EXOC6B: variants seen among roughly 807,000 people sequenced by gnomAD.
The protein encoded by EXOC6B is SEC15 homolog B.
A neutral mutation model predicts 113.5 loss-of-function variants in EXOC6B; 54 were observed. That is an observed-to-expected ratio of 0.48 (90% confidence interval 0.38 to 0.60). The LOEUF (loss-of-function observed/expected upper bound fraction) is 0.60, where lower values mean the gene tolerates loss of function less well. Among genes scored for constraint, EXOC6B ranks in the 20% least tolerant of loss-of-function variants. The pLI is 0.00. For synonymous variants in EXOC6B, 357 were observed against 339.0 expected, an observed-to-expected ratio of 1.05 and a Z score of -0.58; for missense variants, 797 against 977.5, an observed-to-expected ratio of 0.82 and a Z score of 2.46.
At chr2:72,435,705 C>T (rs748706195) in intron 18 of EXOC6B, among the ~76,000 whole-genome samples, 2 of 150,622 alleles carry the variant, frequency 1.3e-5, no homozygotes, top group Admixed American at 6.6e-5. Context: ...ACTAGGATTG[C>T]ATCCCCTGCT....
chr2:72,509,534 C>T (rs1700783242), intron 11 of EXOC6B, among the ~76,000 whole-genome samples: 1 of 151,930 alleles, frequency 6.6e-6, no homozygotes. Context: ...ATGAAGAACA[C>T]ATAAATTATA....
At chr2:72,286,934 T>C (rs1397591090) in intron 20 of EXOC6B, among the ~76,000 whole-genome samples, 1 of 152,098 alleles carries the variant, frequency 6.6e-6, no homozygotes, top group East Asian at 1.9e-4. Context: ...TTGAGTTGAA[T>C]GCTAAAAAGA....
chr2:72,350,121 G>A (rs781429026), intron 19 of EXOC6B, among the ~76,000 whole-genome samples: 2 of 152,070 alleles, frequency 1.3e-5, no homozygotes, highest in Non-Finnish European at 2.9e-5. Flanking sequence ...GGCCTTGGAT[G>A]CAATAAAATA....
intron 6 of EXOC6B, among the ~76,000 whole-genome samples, chr2:72,672,201 C>CAA (rs61678584): frequency 9.4e-6 from 1 of 105,848 alleles, no homozygotes; most frequent in Non-Finnish European, 2.0e-5. Flanking sequence ...GGTATATATC[C>CAA]AAAAAAAAAA....
At chr2:72,664,130 A>G (rs1329284085) in intron 6 of EXOC6B, among the ~76,000 whole-genome samples, 1 of 152,184 alleles carries the variant, frequency 6.6e-6, no homozygotes. Flanking sequence ...CAACATAGCA[A>G]GACCCCATAT....
At chr2:72,583,119 C>A (rs754599129) in intron 6 of EXOC6B, among the ~76,000 whole-genome samples, 4 of 152,016 alleles carry the variant, frequency 2.6e-5, no homozygotes, top group Non-Finnish European at 4.4e-5. Flanking sequence ...ACCTTAAAGA[C>A]CAGTCTTTAA....
intron 20 of EXOC6B, among the ~76,000 whole-genome samples, chr2:72,188,467 G>A (rs1440430823): frequency 6.6e-6 from 1 of 152,146 alleles, no homozygotes; most frequent in Non-Finnish European, 1.5e-5. Flanking sequence ...CTGAAGCTAG[G>A]TCATATGGCC....
chr2:72,673,473 C>A (rs182048841), intron 6 of EXOC6B, among the ~76,000 whole-genome samples: 2 of 152,210 alleles, frequency 1.3e-5, no homozygotes, highest in East Asian at 3.9e-4. Flanking sequence ...ATATTCTGGG[C>A]TTTTGGTGAA....
chr2:72,575,732 G>GA, intron 6 of EXOC6B, 64 bp from the exon 7 acceptor site: 2 of 1,349,242 alleles, frequency 1.5e-6, no homozygotes, highest in Non-Finnish European at 9.7e-7. Flanking sequence ...GAGAAAGAAA[G>GA]AAAAAAAGAA....
rs982730856 is a variant in EXOC6B at position 72,237,045 on chromosome 2, G to GA, written c.2197-52859dup. ...AGACCTCAAGTTAGAAAGACTTGGG[G>GA]AAAAAAAAAGGCATAGTGGTCCATG... is the stretch of plus-strand genomic sequence containing the variant. On this transcript the variant is annotated intron_variant, in intron 20 of 21. Coordinates refer to ENST00000272427, the MANE Select transcript of EXOC6B (RefSeq NM_015189.3). 8.1e-4 allele frequency among the ~76,000 whole-genome samples: 122 copies of GA among 150,944 alleles called. 1 individual carries two copies. Among genetic ancestry groups the GA allele is most frequent in the Middle Eastern group, 3.4e-3 (1 of 292 alleles).
At chr2:72,745,873 C>T (rs1265154639) in intron 1 of EXOC6B, among the ~76,000 whole-genome samples, 2 of 152,114 alleles carry the variant, frequency 1.3e-5, no homozygotes, top group African/African-American at 2.4e-5. Flanking sequence ...AAATTTACTA[C>T]TGAAGCTAAT....
chr2:72,731,235 G>T lies in EXOC6B; in HGVS notation c.338C>A (p.Ala113Glu). The change falls in exon 4 of 22, where the codon GCA becomes GAA. Residue 113 changes from alanine to glutamate, a missense_variant. Physicochemically the swap from Ala to Glu is moderately radical, Grantham distance 107. Transcript: ENST00000272427. ...TCGACACTGCTTCAGCTCTTCCATTGCTATTACCAGCTTGGCAAGAGGGAA... is the reference window on the plus strand; with the variant it reads ...TCGACACTGCTTCAGCTCTTCCATTTCTATTACCAGCTTGGCAAGAGGGAA... ...LQHEGKELVI[A>E]MEELKQCRLQ... The T allele has an allele frequency of 6.2e-7, 1 of 1,612,312 alleles. No homozygotes were observed. Among genetic ancestry groups the T allele is most frequent in the Non-Finnish European group, 8.5e-7 (1 of 1,178,850 alleles).
intron 17 of EXOC6B, among the ~76,000 whole-genome samples, chr2:72,475,628 G>C (rs1307145702): frequency 1.3e-5 from 2 of 152,062 alleles, no homozygotes; most frequent in Non-Finnish European, 2.9e-5. Flanking sequence ...AATGAGTATA[G>C]GCACCAGATG....
intron 20 of EXOC6B, among the ~76,000 whole-genome samples, chr2:72,282,463 T>C (rs892155408): frequency 6.7e-6 from 1 of 150,188 alleles, no homozygotes; most frequent in Non-Finnish European, 1.5e-5. Flanking sequence ...AGCAATAAAA[T>C]ATAATTACTG....
At chr2:72,425,108 A>G (rs976444281) in intron 18 of EXOC6B, among the ~76,000 whole-genome samples, 9 of 152,166 alleles carry the variant, frequency 5.9e-5, no homozygotes, top group African/African-American at 2.2e-4. Context: ...AACGCAAGTT[A>G]TTCTGACTCC....
At chr2:72,272,644 TA>T (rs1348220495) in intron 20 of EXOC6B, among the ~76,000 whole-genome samples, 25 of 152,170 alleles carry the variant, frequency 1.6e-4, no homozygotes, top group African/African-American at 4.8e-4. Flanking sequence ...CCCTGGAGAG[TA>T]GAACAACTAA....
At chr2:72,368,782 G>T (rs934698406) in intron 19 of EXOC6B, among the ~76,000 whole-genome samples, 2 of 152,142 alleles carry the variant, frequency 1.3e-5, no homozygotes, top group Admixed American at 1.3e-4. Context: ...TATCTCAATA[G>T]ATGCAGAAAA....
intron 1 of EXOC6B, among the ~76,000 whole-genome samples, chr2:72,816,637 C>A (rs1445004062): frequency 6.6e-6 from 1 of 152,152 alleles, no homozygotes; most frequent in African/African-American, 2.4e-5. Flanking sequence ...TTACCTATAT[C>A]ATTTTTTATT....
chr2:72,335,322 G>T, intron 19 of EXOC6B: 1 of 246,824 alleles, frequency 4.1e-6, no homozygotes, highest in Non-Finnish European at 7.8e-6. Context: ...TTGCAAAGGA[G>T]GAGGGAGTGG....
Sources: allele counts gnomAD v4.1 joint callset (sites outside exome capture counted in the v4.1 genomes callset), GRCh38; gene constraint gnomAD v4.1.1; transcripts MANE v1.5; gene names NCBI Gene and HGNC (gene_info 2026-07-23, HGNC 2026-07-21).